The following PDZRN4 variants were observed in gnomAD, a reference collection of about 807,000 sequenced individuals.
The protein encoded by PDZRN4 is PDZ domain-containing RING finger protein 4.
PDZRN4 carries 70 observed loss-of-function variants against 99.0 expected under a neutral mutation model. The ratio of observed to expected loss-of-function variants is 0.71; its 90% CI spans 0.58 to 0.86. The LOEUF (loss-of-function observed/expected upper bound fraction) is 0.86, where lower values mean the gene tolerates loss of function less well. Ranked by LOEUF, PDZRN4 falls within the 40% of genes least tolerant of loss-of-function variation. The pLI is 0.00. For missense variants in PDZRN4, 1,474 were observed against 1,331.2 expected (o/e 1.11, Z -1.67); for synonymous variants, 551 against 501.6 (o/e 1.10, Z -1.32).
chr12:41,546,909 G>C (rs1938963003), intron 5 of PDZRN4, among the ~76,000 whole-genome samples: 2 of 152,178 alleles, frequency 1.3e-5, no homozygotes, highest in Admixed American at 1.3e-4. Context: ...ATTGCTTATA[G>C]CATGTTAAAC....
intron 3 of PDZRN4, among the ~76,000 whole-genome samples, chr12:41,456,521 A>G (rs1255633320): frequency 6.6e-6 from 1 of 152,212 alleles, no homozygotes; most frequent in East Asian, 1.9e-4. Flanking sequence ...GGTCCTTTCT[A>G]TATTAATAAA....
At chr12:41,257,695 G>T (rs1202723347) in intron 3 of PDZRN4, among the ~76,000 whole-genome samples, 1 of 152,186 alleles carries the variant, frequency 6.6e-6, no homozygotes, top group Non-Finnish European at 1.5e-5. Flanking sequence ...TAAGTGATTT[G>T]CCAGGAGATT....
At chr12:41,232,868 C>A (rs2120760274) in intron 3 of PDZRN4, among the ~76,000 whole-genome samples, 1 of 152,224 alleles carries the variant, frequency 6.6e-6, no homozygotes, top group South Asian at 2.1e-4. Context: ...GGAAGGGATC[C>A]AGTTTCAGCT....
chr12:41,349,595 T>C (rs1951877008), intron 3 of PDZRN4, among the ~76,000 whole-genome samples: 1 of 152,008 alleles, frequency 6.6e-6, no homozygotes, highest in African/African-American at 2.4e-5. Context: ...CTACCTCTTC[T>C]AATAATCCAT....
In PDZRN4 at chr12:41,573,241, A is replaced by G. The variant is rs149769921; in HGVS notation, c.2462A>G (p.Lys821Arg). 6.4e-4 allele frequency: 1,041 copies of G among 1,614,118 alleles called. No homozygotes were observed. The highest frequency in any genetic ancestry group is 8.3e-4 in the Non-Finnish European group (976 of 1,180,034). The change falls in exon 10 of 10, where the codon AAG (lysine) becomes AGG (arginine). Residue 821 changes from lysine (K) to arginine (R), a missense_variant. Physicochemically the swap from Lys to Arg is conservative, Grantham distance 26. Coordinates refer to ENST00000402685, the MANE Select transcript of PDZRN4 (RefSeq NM_001164595.2). The part of the protein sequence containing the change: ...LEGSKLPDQE[K>R]AVSEHIPYLS... ...GGCAGCAAGCTTCCTGATCAAGAGAAGGCAGTCAGCGAACACATCCCTTAC... is the reference window on the plus strand; with the variant it reads ...GGCAGCAAGCTTCCTGATCAAGAGAGGGCAGTCAGCGAACACATCCCTTAC...
At chr12:41,336,469 A>G (rs1462651442) in intron 3 of PDZRN4, among the ~76,000 whole-genome samples, 1 of 151,072 alleles carries the variant, frequency 6.6e-6, no homozygotes, top group African/African-American at 2.4e-5. Context: ...AACCTAAAGG[A>G]GAATTTGAAC....
intron 3 of PDZRN4, among the ~76,000 whole-genome samples, chr12:41,437,243 A>AC (rs148729936): frequency 2.6e-5 from 4 of 151,286 alleles, no homozygotes; most frequent in Non-Finnish European, 5.9e-5. Context: ...TTTCCATGTC[A>AC]CCCCCCCAAA....
At chr12:41,364,349 T>C (rs561555341) in intron 3 of PDZRN4, among the ~76,000 whole-genome samples, 2 of 152,232 alleles carry the variant, frequency 1.3e-5, no homozygotes, top group South Asian at 2.1e-4. Context: ...CCATACTACA[T>C]GCCTCATAGG....
At chr12:41,488,177 T>C (rs1937812459) in intron 3 of PDZRN4, among the ~76,000 whole-genome samples, 2 of 152,320 alleles carry the variant, frequency 1.3e-5, no homozygotes, top group East Asian at 3.9e-4. Flanking sequence ...CATTCCATTA[T>C]CCAGCATCCT....
chr12:41,437,868 G>A lies in PDZRN4; in HGVS notation c.844-68588G>A. The stretch of plus-strand genomic sequence containing the variant: ...TGAAAAACAGTAGTCAAGTCTGGAG[G>A]GTGATTCCCTTTCAGTTCACTTGCC... On this transcript the variant is annotated intron_variant, in intron 3 of 9. Transcript: ENST00000402685. 4 of 1,612,368 alleles carry A rather than the reference G, an allele frequency of 2.5e-6. No homozygotes were observed. In the South Asian group the frequency reaches 3.3e-5, roughly 13 times the overall value.
chr12:41,494,667 G>C (rs2608699), intron 3 of PDZRN4, among the ~76,000 whole-genome samples: 2 of 151,890 alleles, frequency 1.3e-5, no homozygotes, highest in Non-Finnish European at 2.9e-5. Context: ...ATTAATTTGA[G>C]AAAGTTAAGG....
At chr12:41,523,496 G>A (rs142047976) in intron 5 of PDZRN4, among the ~76,000 whole-genome samples, 137 of 152,210 alleles carry the variant, frequency 9.0e-4, no homozygotes, top group African/African-American at 3.2e-3. Context: ...AGTGTTAGTT[G>A]GAGCCTGTGA....
chr12:41,212,643 T>C (rs1029462141), intron 3 of PDZRN4, among the ~76,000 whole-genome samples: 2 of 152,062 alleles, frequency 1.3e-5, no homozygotes, highest in East Asian at 1.9e-4. Context: ...ACTGGAATTA[T>C]GGTAAAGTCA....
chr12:41,551,162 G>C (rs1939046618), intron 5 of PDZRN4, among the ~76,000 whole-genome samples: 1 of 152,056 alleles, frequency 6.6e-6, no homozygotes, highest in African/African-American at 2.4e-5. Flanking sequence ...TTTAGTGTCT[G>C]GTGAGGGCCT....
intron 5 of PDZRN4, among the ~76,000 whole-genome samples, chr12:41,520,062 C>T (rs539131980): frequency 6.6e-6 from 1 of 152,216 alleles, no homozygotes; most frequent in Admixed American, 6.5e-5. Flanking sequence ...TCTTGCTTTC[C>T]TCTGCCTAGA....
chr12:41,352,171 C>G (rs1388534208), intron 3 of PDZRN4, among the ~76,000 whole-genome samples: 1 of 151,884 alleles, frequency 6.6e-6, no homozygotes, highest in Non-Finnish European at 1.5e-5. Context: ...TGAAAGTTAC[C>G]TGGTGAACTC....
At chr12:41,360,248 T>G (rs913225879) in intron 3 of PDZRN4, among the ~76,000 whole-genome samples, 51 of 152,070 alleles carry the variant, frequency 3.4e-4, no homozygotes, top group African/African-American at 1.2e-3. Flanking sequence ...TTCTAAGAAC[T>G]ATTTATAGGA....
chr12:41,534,526 A>G (rs761367095), intron 5 of PDZRN4, among the ~76,000 whole-genome samples: 9 of 152,022 alleles, frequency 5.9e-5, no homozygotes, highest in African/African-American at 9.7e-5. Context: ...GCTCCCACTT[A>G]TAAGTGAGAA....
chr12:41,211,324 C>G (rs1950887131), intron 3 of PDZRN4, among the ~76,000 whole-genome samples: 1 of 152,008 alleles, frequency 6.6e-6, no homozygotes, highest in African/African-American at 2.4e-5. Flanking sequence ...TAGAAGATAA[C>G]TTCAGATTAT....
Sources: gnomAD v4.1 joint callset for allele counts (sites outside exome capture counted in the v4.1 genomes callset) on GRCh38, gnomAD v4.1.1 for gene constraint, MANE v1.5 for transcripts, NCBI Gene and HGNC (gene_info 2026-07-23, HGNC 2026-07-21) for gene names.